CNTLN: variants seen among roughly 807,000 people sequenced by gnomAD.
CNTLN encodes the protein centlein, centrosomal protein.
Under a neutral mutation model 180.0 loss-of-function variants are expected in CNTLN, and 212 were observed. That is an observed-to-expected ratio of 1.18 (90% CI 1.05 to 1.32). The LOEUF is 1.32. Among genes scored for constraint, CNTLN ranks in the 40% most tolerant of loss-of-function variants. The pLI is 0.00. For synonymous variants in CNTLN, 722 were observed against 563.1 expected, an observed-to-expected ratio of 1.28 and a Z score of -3.99; for missense variants, 2,095 against 1,610.9, an observed-to-expected ratio of 1.30 and a Z score of -5.14.
chr9:17,488,031 T>A (rs1832977359), intron 25 of CNTLN, among the ~76,000 whole-genome samples: 1 of 152,164 alleles, frequency 6.6e-6, no homozygotes, highest in African/African-American at 2.4e-5. Flanking sequence ...AATTGTCCTG[T>A]GATTTTTGGA....
At chr9:17,467,538 AT>A (rs1831820412) in intron 23 of CNTLN, among the ~76,000 whole-genome samples, 1 of 151,672 alleles carries the variant, frequency 6.6e-6, no homozygotes, top group South Asian at 2.1e-4. Flanking sequence ...CATTTTAAAA[AT>A]ATCTGCAAAA....
intron 2 of CNTLN, among the ~76,000 whole-genome samples, chr9:17,216,228 A>G (rs1178427837): frequency 6.6e-6 from 1 of 152,176 alleles, no homozygotes; most frequent in Admixed American, 6.5e-5. Flanking sequence ...TTAGTGGTTA[A>G]GAACACAAGC....
chr9:17,163,523 T>G (rs1355684599), intron 2 of CNTLN, among the ~76,000 whole-genome samples: 1 of 152,230 alleles, frequency 6.6e-6, no homozygotes, highest in African/African-American at 2.4e-5. Flanking sequence ...TCATTGTAAT[T>G]ATTTCTGTGT....
intron 7 of CNTLN, chr9:17,300,414 A>G (rs1012986594): frequency 3.9e-5 from 6 of 152,206 alleles, no homozygotes; most frequent in African/African-American, 1.2e-4. Flanking sequence ...ATATCTCTTC[A>G]CTTGGATTCC....
chr9:17,242,899 G>C (rs549964668), intron 5 of CNTLN, among the ~76,000 whole-genome samples: 1 of 152,282 alleles, frequency 6.6e-6, no homozygotes, highest in South Asian at 2.1e-4. Flanking sequence ...CTATTCTTCA[G>C]AATAGTTTGA....
intron 13 of CNTLN, among the ~76,000 whole-genome samples, chr9:17,369,521 A>T (rs1824127472): frequency 6.6e-6 from 1 of 151,984 alleles, no homozygotes; most frequent in South Asian, 2.1e-4. Flanking sequence ...GAAATTCAAG[A>T]TAACATGGAG....
chr9:17,165,219 T>G (rs1051142787), intron 2 of CNTLN, among the ~76,000 whole-genome samples: 8 of 152,150 alleles, frequency 5.3e-5, no homozygotes, highest in Admixed American at 3.3e-4. Context: ...AATACCACAT[T>G]TTTTTTCATG....
intron 6 of CNTLN, among the ~76,000 whole-genome samples, chr9:17,281,903 C>G (rs1227855503): frequency 2.0e-5 from 3 of 152,160 alleles, no homozygotes; most frequent in African/African-American, 7.2e-5. Context: ...TACATTCCCA[C>G]CAACAGTGTC....
intron 18 of CNTLN, among the ~76,000 whole-genome samples, chr9:17,439,600 A>G (rs1172456826): frequency 6.6e-6 from 1 of 152,246 alleles, no homozygotes; most frequent in Non-Finnish European, 1.5e-5. Context: ...TAAGATTAGA[A>G]GAAGTCTAAG....
At chr9:17,372,861 A>G (rs1824442267) in intron 13 of CNTLN, among the ~76,000 whole-genome samples, 1 of 152,180 alleles carries the variant, frequency 6.6e-6, no homozygotes, top group African/African-American at 2.4e-5. Flanking sequence ...TTATCAACAG[A>G]ATGAAGGACA....
In CNTLN at chr9:17,144,927, C is replaced by T. The variant is rs865805004; in HGVS notation, c.449+1551C>T. Among the ~76,000 whole-genome samples, 11 of 151,160 alleles carry T rather than the reference C, an allele frequency of 7.3e-5. No homozygotes were observed. In the South Asian group the frequency reaches 1.2e-3, roughly 17 times the overall value. Reference sequence around the variant, plus strand: ...CGCAATCTCGGCTCACTGCAAGCTCCGCTTCCCGGGTTCACGCCATTCTCC... The same window carrying T: ...CGCAATCTCGGCTCACTGCAAGCTCTGCTTCCCGGGTTCACGCCATTCTCC... On this transcript the variant is annotated intron_variant, in intron 2 of 25. Transcript: ENST00000380647.
chr9:17,143,513 ATT>A (rs2131441473), intron 2 of CNTLN, 137 bp downstream of exon 2: 5 of 659,450 alleles, frequency 7.6e-6, no homozygotes, highest in Middle Eastern at 2.7e-4. Context: ...TAAAAATTAA[ATT>A]GTTGGATTTA....
intron 6 of CNTLN, among the ~76,000 whole-genome samples, chr9:17,289,022 T>C (rs540937317): frequency 0.029 from 3,571 of 123,382 alleles, 339 homozygotes; most frequent in Non-Finnish European, 0.036. Context: ...AAAGTTAATA[T>C]TGTTATGTGT....
intron 5 of CNTLN, 131 bp from the exon 6 acceptor site, chr9:17,273,602 T>A (rs1376383007): frequency 2.0e-6 from 1 of 496,656 alleles, no homozygotes; most frequent in African/African-American, 2.0e-5. Context: ...TGTGTTAAAA[T>A]TATTTTAAGT....
intron 8 of CNTLN, among the ~76,000 whole-genome samples, chr9:17,312,115 G>A (rs1819175020): frequency 6.6e-6 from 1 of 151,696 alleles, no homozygotes; most frequent in Admixed American, 6.6e-5. Flanking sequence ...GTATGTTCTT[G>A]CTCCTTTGCT....
chr9:17,355,302 G>A lies in CNTLN; in HGVS notation c.1887-11315G>A, dbSNP rs1393303434. On this transcript the variant is annotated intron_variant, in intron 12 of 25. Transcript: ENST00000380647. ...GGCCTCCCAAACTGCTGGGATTACAGGTGTGAGCCACCGTGCCCAGCCATA... is the reference window on the plus strand; with the variant it reads ...GGCCTCCCAAACTGCTGGGATTACAAGTGTGAGCCACCGTGCCCAGCCATA... Among the ~76,000 whole-genome samples the A allele has an allele frequency of 3.3e-5, 5 of 152,326 alleles. No individual in the cohort carries two copies. In the South Asian group the frequency reaches 1.0e-3, roughly 32 times the overall value.
chr9:17,219,782 T>C (rs1824009208), intron 2 of CNTLN, among the ~76,000 whole-genome samples: 3 of 152,090 alleles, frequency 2.0e-5, no homozygotes, highest in African/African-American at 7.2e-5. Flanking sequence ...ACATTTATTC[T>C]CATGGTTCCA....
At chr9:17,173,216 T>G (rs1210026216) in intron 2 of CNTLN, among the ~76,000 whole-genome samples, 1 of 152,206 alleles carries the variant, frequency 6.6e-6, no homozygotes. Context: ...TATATTACTT[T>G]AATTTTAATG....
intron 5 of CNTLN, among the ~76,000 whole-genome samples, chr9:17,262,860 C>G (rs973228508): frequency 1.3e-5 from 2 of 151,042 alleles, no homozygotes; most frequent in African/African-American, 2.5e-5. Flanking sequence ...GTAGATGGCT[C>G]GTAGTATTTT....
Sources: gnomAD v4.1 joint callset for allele counts (sites outside exome capture counted in the v4.1 genomes callset) on GRCh38, gnomAD v4.1.1 for gene constraint, MANE v1.5 for transcripts, NCBI Gene and HGNC (gene_info 2026-07-23, HGNC 2026-07-21) for gene names.